ERBB4: variants seen among roughly 807,000 people sequenced by gnomAD.
The protein encoded by ERBB4 is erb-b2 receptor tyrosine kinase 4, also known as receptor tyrosine-protein kinase erbB-4.
ERBB4 carries 42 observed loss-of-function variants against 158.0 expected under a neutral mutation model. The observed-to-expected ratio is 0.27, with a 90% confidence interval of 0.21 to 0.34. ERBB4 has a LOEUF of 0.34. ERBB4 is among the 10% of genes least tolerant of loss of function. The pLI is 1.00. For synonymous variants in ERBB4, 583 were observed against 558.7 expected, an observed-to-expected ratio of 1.04 and a Z score of -0.61; for missense variants, 1,333 against 1,624.1, an observed-to-expected ratio of 0.82 and a Z score of 3.08.
chr2:211,701,745 A>C (rs2073256050), intron 12 of ERBB4, among the ~76,000 whole-genome samples: 1 of 132,270 alleles, frequency 7.6e-6, no homozygotes, highest in African/African-American at 2.9e-5. Context: ...CAACAGAGCG[A>C]GACTCCGTCT....
chr2:211,630,432 A>G, intron 17 of ERBB4, 30 bp downstream of exon 17: 2 of 1,612,638 alleles, frequency 1.2e-6, no homozygotes, highest in Non-Finnish European at 1.7e-6. Context: ...AAATCCCCAA[A>G]CACATGAAGA....
intron 3 of ERBB4, among the ~76,000 whole-genome samples, chr2:211,828,111 G>A (rs555618279): frequency 6.6e-6 from 1 of 152,198 alleles, no homozygotes; most frequent in South Asian, 2.1e-4. Flanking sequence ...CTTAGGGAAT[G>A]TGAACAATAT....
chr2:211,841,634 T>A (rs948761099), intron 3 of ERBB4, among the ~76,000 whole-genome samples: 1 of 152,004 alleles, frequency 6.6e-6, no homozygotes, highest in African/African-American at 2.4e-5. Context: ...TATTTAATTT[T>A]AAATTTATCT....
intron 2 of ERBB4, among the ~76,000 whole-genome samples, chr2:212,100,911 T>A (rs1179312318): frequency 6.6e-6 from 1 of 152,190 alleles, no homozygotes; most frequent in Non-Finnish European, 1.5e-5. Flanking sequence ...TTTTTGTTTA[T>A]TCTGCTTATT....
intron 1 of ERBB4, among the ~76,000 whole-genome samples, chr2:212,391,642 A>AT (rs1553631801): frequency 7.2e-6 from 1 of 138,954 alleles, no homozygotes; most frequent in Non-Finnish European, 1.5e-5. Context: ...ATTGACATAT[A>AT]ATATTATATA....
intron 1 of ERBB4, among the ~76,000 whole-genome samples, chr2:212,273,294 C>T (rs1269070040): frequency 6.6e-6 from 1 of 151,734 alleles, no homozygotes; most frequent in Admixed American, 6.6e-5. Context: ...TTAAATCATA[C>T]ATAATTTCAC....
chr2:211,404,164 G>T (rs2063101181), intron 25 of ERBB4, among the ~76,000 whole-genome samples: 1 of 151,880 alleles, frequency 6.6e-6, no homozygotes, highest in South Asian at 2.1e-4. Flanking sequence ...CGTTATTTTT[G>T]CAACTGCCCT....
chr2:212,527,204 T>C lies in ERBB4; in HGVS notation c.82+11245A>G, dbSNP rs185069889. Among the ~76,000 whole-genome samples the C allele has an allele frequency of 4.5e-3, 692 of 152,182 alleles. 8 individuals carry two copies. The highest frequency in any genetic ancestry group is 0.016 in the African/African-American group (669 of 41,528). On this transcript the variant is annotated intron_variant, in intron 1 of 27. Transcript: ENST00000342788. ...AAACATAATGTCAAGAAAATAGATA[T>C]ATACCTGGATTAGGCATACTCATAT...
At chr2:212,247,945 C>G (rs901506250) in intron 1 of ERBB4, among the ~76,000 whole-genome samples, 1 of 152,100 alleles carries the variant, frequency 6.6e-6, no homozygotes, top group Non-Finnish European at 1.5e-5. Flanking sequence ...GCCTGAGTGA[C>G]AGAGTTAGGC....
chr2:212,132,450 G>C (rs957698087), intron 1 of ERBB4, among the ~76,000 whole-genome samples: 7 of 152,134 alleles, frequency 4.6e-5, no homozygotes, highest in African/African-American at 1.7e-4. Flanking sequence ...ACTGAGTAGA[G>C]CACATGGCTC....
chr2:211,693,387 G>A, intron 12 of ERBB4, among the ~76,000 whole-genome samples: 1 of 151,922 alleles, frequency 6.6e-6, no homozygotes, highest in Non-Finnish European at 1.5e-5. Flanking sequence ...GTTAGTAAAT[G>A]CAAAAAAACC....
chr2:211,832,991 T>A (rs1354999087), intron 3 of ERBB4, among the ~76,000 whole-genome samples: 1 of 151,970 alleles, frequency 6.6e-6, no homozygotes, highest in Non-Finnish European at 1.5e-5. Flanking sequence ...GATCAAATAT[T>A]TTCTAGGTTC....
At chr2:212,373,774 C>CAT (rs2090171178) in intron 1 of ERBB4, among the ~76,000 whole-genome samples, 1 of 125,904 alleles carries the variant, frequency 7.9e-6, no homozygotes, top group African/African-American at 3.0e-5. Flanking sequence ...CGTATATATC[C>CAT]ATGTATATAT....
intron 1 of ERBB4, among the ~76,000 whole-genome samples, chr2:212,509,953 T>C (rs1466925234): frequency 6.6e-6 from 1 of 151,788 alleles, no homozygotes; most frequent in Non-Finnish European, 1.5e-5. Context: ...CCATGAAATA[T>C]CCCAAAATTT....
At chr2:211,899,652 G>T (rs1228303845) in intron 3 of ERBB4, among the ~76,000 whole-genome samples, 1 of 152,052 alleles carries the variant, frequency 6.6e-6, no homozygotes, top group East Asian at 1.9e-4. Flanking sequence ...GTGATTTACA[G>T]GTTATAGAAT....
At chr2:212,368,866 A>G (rs1266753224) in intron 1 of ERBB4, among the ~76,000 whole-genome samples, 1 of 152,122 alleles carries the variant, frequency 6.6e-6, no homozygotes, top group African/African-American at 2.4e-5. Flanking sequence ...TTTTAGTACT[A>G]TTAATAGCAC....
chr2:212,525,596 G>A (rs1409813466), intron 1 of ERBB4, among the ~76,000 whole-genome samples: 2 of 151,888 alleles, frequency 1.3e-5, no homozygotes, highest in African/African-American at 4.8e-5. Context: ...AGATATTATT[G>A]TACAAATTCC....
intron 2 of ERBB4, among the ~76,000 whole-genome samples, chr2:211,975,224 T>C (rs374691091): frequency 2.6e-4 from 39 of 152,128 alleles, no homozygotes; most frequent in African/African-American, 8.7e-4. Context: ...TCAAGGGAGC[T>C]ATCCGCCTCC....
At chr2:212,081,125 A>G (rs969903471) in intron 2 of ERBB4, among the ~76,000 whole-genome samples, 3 of 152,170 alleles carry the variant, frequency 2.0e-5, no homozygotes, top group African/African-American at 7.2e-5. Flanking sequence ...CAGGAGTTTC[A>G]AAGAGCTGCA....
Sources: gnomAD v4.1 joint callset for allele counts (sites outside exome capture counted in the v4.1 genomes callset) on GRCh38, gnomAD v4.1.1 for gene constraint, MANE v1.5 for transcripts, NCBI Gene and HGNC (gene_info 2026-07-23, HGNC 2026-07-21) for gene names.